The following ACYP2 variants were observed in gnomAD, a reference collection of about 807,000 sequenced individuals.
The protein encoded by ACYP2 is acylphosphatase 2.
A neutral mutation model predicts 11.2 loss-of-function variants in ACYP2; 12 were observed. That is an observed-to-expected ratio of 1.08 (90% CI 0.69 to 1.74). The LOEUF is 1.74. Ranked by LOEUF, ACYP2 falls within the 40% of genes most tolerant of loss-of-function variation. The probability of loss-of-function intolerance (pLI) is 0.00; values close to 1 mark genes in which losing one functional copy is unlikely to be tolerated. For missense variants in ACYP2, 134 were observed against 101.9 expected (o/e 1.31, Z -1.35); for synonymous variants, 43 against 32.2 (o/e 1.33, Z -1.13).
intron 2 of ACYP2, among the ~76,000 whole-genome samples, chr2:54,043,073 GT>G (rs1675328077): frequency 1.7e-5 from 2 of 119,146 alleles, no homozygotes; most frequent in African/African-American, 7.5e-5. Flanking sequence ...TGTGTGTGGG[GT>G]GTGTGTGTGT....
At chr2:53,986,039 G>A (rs970808879) in intron 2 of ACYP2, among the ~76,000 whole-genome samples, 1 of 152,104 alleles carries the variant, frequency 6.6e-6, no homozygotes, top group African/African-American at 2.4e-5. Context: ...GCAAGGCTGA[G>A]GCAGGAGAAT....
rs1004181718 is a variant in ACYP2, at chr2:54,244,732, AT to A, written c.405-59949del. 4.0e-3 allele frequency among the ~76,000 whole-genome samples: 611 copies of A among 151,670 alleles called. 4 individuals carry two copies. The highest frequency in any genetic ancestry group is 0.014 in the African/African-American group (568 of 41,342). Reference sequence around the variant, plus strand: ...GAGATTTCTTTGAAATCCTTGTTTTATTTTTTTCTGTATAATTTTCATTTTT... The same window carrying A: ...GAGATTTCTTTGAAATCCTTGTTTTATTTTTTCTGTATAATTTTCATTTTT... On this transcript the variant is annotated intron_variant, in intron 6 of 6. Transcript: ENST00000607452.
intron 6 of ACYP2, among the ~76,000 whole-genome samples, chr2:54,251,376 AT>A (rs760344859): frequency 4.6e-5 from 7 of 152,054 alleles, no homozygotes; most frequent in Non-Finnish European, 1.0e-4. Context: ...TTTGTTTTGA[AT>A]TTATTTGCTT....
chr2:54,279,074 A>G (rs843714), intron 6 of ACYP2, among the ~76,000 whole-genome samples: 106,242 of 152,136 alleles, frequency 0.7, 37,521 homozygotes, highest in African/African-American at 0.79. Context: ...AATTTTCTAA[A>G]CTGGTCAACC....
At chr2:54,201,680 T>TTCTTTCTTTCTTTCTCTC (rs1395606887) in intron 6 of ACYP2, among the ~76,000 whole-genome samples, 4 of 107,294 alleles carry the variant, frequency 3.7e-5, no homozygotes, top group Non-Finnish European at 5.8e-5. Context: ...CTTTCTTTCT[T>TTCTTTCTTTCTTTCTCTC]TCTCTCTCTC....
chr2:54,038,673 CTATATATA>C lies in ACYP2; in HGVS notation c.63-12252_63-12245del, dbSNP rs56817782. ...TCATTCAATAAATCTTTATTGAATACTATATATATATATATATATATATATATATATAT... is the reference window on the plus strand; with the variant it reads ...TCATTCAATAAATCTTTATTGAATACTATATATATATATATATATATATAT... On this transcript the variant is annotated intron_variant, in intron 2 of 6. Transcript: ENST00000607452. Among the ~76,000 whole-genome samples the C allele has an allele frequency of 5.4e-3, 573 of 106,072 alleles. 3 individuals are homozygous for C. Among genetic ancestry groups the C allele is most frequent in the African/African-American group, 0.013 (359 of 26,812 alleles). 69.6% of individuals were successfully genotyped at this position (106,072 alleles called of 152,430 possible). A position where few individuals can be genotyped will look rare whatever the true frequency, so the allele number is the denominator to read the frequency against.
chr2:54,103,375 G>A (rs1055320894), intron 4 of ACYP2, among the ~76,000 whole-genome samples: 1 of 152,166 alleles, frequency 6.6e-6, no homozygotes, highest in African/African-American at 2.4e-5. Flanking sequence ...CCATTTTGCT[G>A]TTAGGACAGT....
intron 2 of ACYP2, among the ~76,000 whole-genome samples, chr2:54,013,735 A>G (rs1673524080): frequency 6.9e-6 from 1 of 144,734 alleles, no homozygotes; most frequent in Admixed American, 6.9e-5. Context: ...AAAAGAAAAA[A>G]AAAAAAAAGA....
intron 5 of ACYP2, among the ~76,000 whole-genome samples, chr2:54,137,214 T>C (rs1681299562): frequency 6.7e-6 from 1 of 148,834 alleles, no homozygotes; most frequent in South Asian, 2.1e-4. Flanking sequence ...CTTTTAGTCT[T>C]ATAAAAACTC....
At chr2:54,194,582 T>C (rs191923101) in intron 6 of ACYP2, among the ~76,000 whole-genome samples, 132 of 152,284 alleles carry the variant, frequency 8.7e-4, no homozygotes, top group East Asian at 3.3e-3. Flanking sequence ...TATGAACATA[T>C]AGTACAAATT....
intron 2 of ACYP2, among the ~76,000 whole-genome samples, chr2:54,011,055 T>C (rs1673344947): frequency 6.6e-6 from 1 of 152,082 alleles, no homozygotes; most frequent in South Asian, 2.1e-4. Context: ...ACACGTCACA[T>C]TATTAATAAT....
chr2:53,989,881 C>T (rs886483504), intron 2 of ACYP2, among the ~76,000 whole-genome samples: 2 of 152,108 alleles, frequency 1.3e-5, no homozygotes, highest in African/African-American at 4.8e-5. Flanking sequence ...CCAGACTGTT[C>T]CTGCCACTCC....
intron 2 of ACYP2, among the ~76,000 whole-genome samples, chr2:54,038,977 G>A (rs1675067873): frequency 6.6e-6 from 1 of 151,686 alleles, no homozygotes; most frequent in Non-Finnish European, 1.5e-5. Context: ...AAGGAGTTGA[G>A]TGAGTGAATG....
intron 4 of ACYP2, among the ~76,000 whole-genome samples, chr2:54,107,206 A>AT (rs1343803917): frequency 4.6e-5 from 7 of 152,120 alleles, no homozygotes; most frequent in African/African-American, 7.2e-5. Context: ...TTATTCTATC[A>AT]TTTTTTTCCA....
chr2:54,192,763 T>C (rs948140968), intron 6 of ACYP2, among the ~76,000 whole-genome samples: 1 of 152,192 alleles, frequency 6.6e-6, no homozygotes, highest in Non-Finnish European at 1.5e-5. Context: ...TCTGCATGGC[T>C]AGGGAGGCCT....
At chr2:54,105,972 A>C (rs1558532237) in intron 4 of ACYP2, among the ~76,000 whole-genome samples, 1 of 151,914 alleles carries the variant, frequency 6.6e-6, no homozygotes, top group Non-Finnish European at 1.5e-5. Context: ...CAATCCTTTA[A>C]ATGTTCTAAG....
intron 2 of ACYP2, among the ~76,000 whole-genome samples, chr2:54,047,294 C>T (rs1675575477): frequency 1.3e-5 from 2 of 152,132 alleles, no homozygotes. Flanking sequence ...TGAATCATCA[C>T]CACACACTCA....
chr2:54,051,897 A>C, intron 3 of ACYP2: 1 of 268,480 alleles, frequency 3.7e-6, no homozygotes, highest in Non-Finnish European at 7.2e-6. Flanking sequence ...AAATACAAAA[A>C]TTAGCTGGGC....
intron 4 of ACYP2, among the ~76,000 whole-genome samples, chr2:54,094,532 T>TTGTG (rs112696039): frequency 2.5e-3 from 284 of 112,992 alleles, no homozygotes; most frequent in African/African-American, 9.1e-3. Flanking sequence ...CCCGGCCCAG[T>TTGTG]TGTGTGTGTG....
Sources: allele counts gnomAD v4.1 joint callset (sites outside exome capture counted in the v4.1 genomes callset), GRCh38; gene constraint gnomAD v4.1.1; transcripts MANE v1.5; gene names NCBI Gene and HGNC (gene_info 2026-07-23, HGNC 2026-07-21).